HCN1: variants seen among roughly 807,000 people sequenced by gnomAD.
The protein encoded by HCN1 is hyperpolarization activated cyclic nucleotide gated potassium channel 1.
In HCN1, 13 loss-of-function variants were observed where a neutral mutation model predicts 78.9. The ratio of observed to expected loss-of-function variants is 0.16; its 90% CI spans 0.11 to 0.26. The LOEUF is 0.26. HCN1 is among the 10% of genes least tolerant of loss of function. The pLI, the probability that HCN1 is intolerant of heterozygous loss-of-function variation, is 1.00. For missense variants in HCN1, 810 were observed against 1,154.3 expected (o/e 0.70, Z 4.32); for synonymous variants, 552 against 455.5 (o/e 1.21, Z -2.70).
At position 45,497,273 on chromosome 5, in the gene HCN1, CGTT is replaced by C. The variant is rs570313273; in HGVS notation, c.850-35269_850-35267del. On this transcript the variant is annotated intron_variant, in intron 2 of 7. Transcript: ENST00000303230. The stretch of plus-strand genomic sequence containing the variant: ...GGGTATCCTTGTTGACTTTCTGTCT[CGTT>C]GATCTGTCTAATGTTGACAGTGGGG... Among the ~76,000 whole-genome samples, 1,117 of 152,134 alleles carry C rather than the reference CGTT, an allele frequency of 7.3e-3. 12 individuals are homozygous for C. Among genetic ancestry groups the C allele is most frequent in the African/African-American group, 0.026 (1,070 of 41,502 alleles).
At chr5:45,675,655 C>T (rs752474291) in intron 1 of HCN1, among the ~76,000 whole-genome samples, 6 of 151,810 alleles carry the variant, frequency 4.0e-5, no homozygotes, top group Non-Finnish European at 7.4e-5. Flanking sequence ...TTTAGCTTCA[C>T]AAAGAGCCAA....
At chr5:45,280,817 C>A (rs1044914217) in intron 6 of HCN1, among the ~76,000 whole-genome samples, 2 of 152,092 alleles carry the variant, frequency 1.3e-5, no homozygotes, top group African/African-American at 4.8e-5. Flanking sequence ...GGATACTCTT[C>A]TTGGAACGTT....
At chr5:45,613,677 T>C (rs984058249) in intron 2 of HCN1, among the ~76,000 whole-genome samples, 1 of 151,960 alleles carries the variant, frequency 6.6e-6, no homozygotes, top group Admixed American at 6.6e-5. Context: ...ATGTTTATTG[T>C]GGCATTATTC....
intron 5 of HCN1, among the ~76,000 whole-genome samples, chr5:45,305,102 A>T (rs1467751821): frequency 1.3e-5 from 2 of 152,174 alleles, no homozygotes; most frequent in Non-Finnish European, 2.9e-5. Flanking sequence ...GAAATTGGTC[A>T]TGTCTGCTAA....
intron 4 of HCN1, among the ~76,000 whole-genome samples, chr5:45,368,984 G>A (rs1747295119): frequency 6.6e-6 from 1 of 151,718 alleles, no homozygotes; most frequent in South Asian, 2.1e-4. Context: ...TTCATAGCTA[G>A]GTCATATTCC....
At chr5:45,658,507 G>A (rs1745833507) in intron 1 of HCN1, among the ~76,000 whole-genome samples, 1 of 152,198 alleles carries the variant, frequency 6.6e-6, no homozygotes. Flanking sequence ...GAGCGATGAA[G>A]AAGATGGGTG....
chr5:45,547,623 A>G (rs1743256410), intron 2 of HCN1, among the ~76,000 whole-genome samples: 1 of 151,880 alleles, frequency 6.6e-6, no homozygotes, highest in Admixed American at 6.6e-5. Flanking sequence ...ACAAATATCA[A>G]TGTATATTAA....
chr5:45,347,457 C>G (rs1746769304), intron 5 of HCN1, among the ~76,000 whole-genome samples: 1 of 152,132 alleles, frequency 6.6e-6, no homozygotes, highest in Non-Finnish European at 1.5e-5. Context: ...AAGCAGAGCA[C>G]CTCTCCTCCT....
intron 2 of HCN1, among the ~76,000 whole-genome samples, chr5:45,471,294 A>C (rs571156490): frequency 6.6e-6 from 1 of 151,896 alleles, no homozygotes; most frequent in South Asian, 2.1e-4. Context: ...TTAAATTAAA[A>C]TTCCTTCCAA....
At chr5:45,461,096 C>T (rs10073055) in intron 3 of HCN1, among the ~76,000 whole-genome samples, 37,895 of 151,556 alleles carry the variant, frequency 0.25, 4,900 homozygotes, top group East Asian at 0.32. Context: ...AAAGAACAAA[C>T]ATTTGTGAAC....
chr5:45,630,211 T>C (rs751571450), intron 2 of HCN1, among the ~76,000 whole-genome samples: 37 of 152,262 alleles, frequency 2.4e-4, no homozygotes, highest in Non-Finnish European at 4.6e-4. Flanking sequence ...CCTGCCTCTT[T>C]TCCAAAACTA....
At chr5:45,493,724 A>G (rs1741950627) in intron 2 of HCN1, among the ~76,000 whole-genome samples, 1 of 151,608 alleles carries the variant, frequency 6.6e-6, no homozygotes, top group East Asian at 2.0e-4. Flanking sequence ...AGCATTAGGT[A>G]TATCCCCCAA....
chr5:45,577,774 G>T (rs2111913898), intron 2 of HCN1, among the ~76,000 whole-genome samples: 1 of 152,054 alleles, frequency 6.6e-6, no homozygotes, highest in East Asian at 1.9e-4. Context: ...TTATACTTGA[G>T]GTTTTATTTC....
chr5:45,490,152 A>T lies in HCN1; in HGVS notation c.850-28145T>A, dbSNP rs143292634. Among the ~76,000 whole-genome samples the T allele has an allele frequency of 3.6e-3, 546 of 152,302 alleles. 6 individuals carry two copies. Among genetic ancestry groups the T allele is most frequent in the African/African-American group, 0.013 (523 of 41,572 alleles). ...GAACAACATGTGCAAAATATGAAGC[A>T]GGGGAGAAAATAGCTCATTTGGAAA... On this transcript the variant is annotated intron_variant, in intron 2 of 7. Transcript: ENST00000303230.
Position 45,431,289 on chromosome 5 carries a change from G to T in HCN1, c.1011+30557C>A, listed in dbSNP as rs183493052. 1.6e-3 allele frequency among the ~76,000 whole-genome samples: 243 copies of T among 152,150 alleles called. 1 individual carries two copies. The highest frequency in any genetic ancestry group is 5.7e-3 in the African/African-American group (236 of 41,532). On this transcript the variant is annotated intron_variant, in intron 3 of 7. Transcript: ENST00000303230. ...TGTCCTTTGCCCTCTTTTTAATGGG[G>T]TTGTTTTTTTGCTTGTAAATTTAAT... is the stretch of plus-strand genomic sequence containing the variant.
chr5:45,530,514 A>T (rs1248654464), intron 2 of HCN1, among the ~76,000 whole-genome samples: 1 of 151,500 alleles, frequency 6.6e-6, no homozygotes, highest in African/African-American at 2.4e-5. Context: ...AGGACTATAC[A>T]TTAGGCACTT....
chr5:45,588,680 C>T (rs1327053160), intron 2 of HCN1, among the ~76,000 whole-genome samples: 1 of 152,170 alleles, frequency 6.6e-6, no homozygotes, highest in African/African-American at 2.4e-5. Context: ...GAGTCACCCC[C>T]TCCAGGAGGA....
intron 2 of HCN1, among the ~76,000 whole-genome samples, chr5:45,598,552 C>A (rs2111959490): frequency 6.6e-6 from 1 of 152,162 alleles, no homozygotes; most frequent in South Asian, 2.1e-4. Flanking sequence ...GCGACAAAAG[C>A]CAAAATAGAC....
intron 1 of HCN1, 117 bp from the exon 2 acceptor site, chr5:45,645,725 T>G: frequency 1.7e-6 from 1 of 597,574 alleles, no homozygotes; most frequent in Non-Finnish European, 2.8e-6. Context: ...AAAGAAATGA[T>G]TTTATTTTTT....
Sources: gnomAD v4.1 joint callset for allele counts (sites outside exome capture counted in the v4.1 genomes callset) on GRCh38, gnomAD v4.1.1 for gene constraint, MANE v1.5 for transcripts, NCBI Gene and HGNC (gene_info 2026-07-23, HGNC 2026-07-21) for gene names.